MARCHF4: variants seen among roughly 807,000 people sequenced by gnomAD.
MARCHF4 encodes E3 ubiquitin-protein ligase MARCHF4.
In MARCHF4, 14 loss-of-function variants were observed where a neutral mutation model predicts 43.9. The ratio of observed to expected loss-of-function variants is 0.32; its 90% CI spans 0.21 to 0.50. The LOEUF (loss-of-function observed/expected upper bound fraction) is 0.50, where lower values mean the gene tolerates loss of function less well. MARCHF4 is among the 20% of genes least tolerant of loss of function. The probability of loss-of-function intolerance (pLI) is 0.98; values close to 1 mark genes in which losing one functional copy is unlikely to be tolerated. For missense variants in MARCHF4, 468 were observed against 536.7 expected, an observed-to-expected ratio of 0.87 and a Z score of 1.27; for synonymous variants, 226 against 213.3, an observed-to-expected ratio of 1.06 and a Z score of -0.52.
intron 1 of MARCHF4, among the ~76,000 whole-genome samples, chr2:216,308,047 C>A (rs111683294): frequency 6.6e-6 from 1 of 151,990 alleles, no homozygotes; most frequent in African/African-American, 2.4e-5. Flanking sequence ...CAAAGCGAGA[C>A]CCTATCTCAA....
chr2:216,296,260 C>T (rs1044795552), intron 1 of MARCHF4, among the ~76,000 whole-genome samples: 12 of 152,312 alleles, frequency 7.9e-5, no homozygotes, highest in East Asian at 3.9e-4. Context: ...GCAGGAGAAT[C>T]GCTTGCACCC....
At chr2:216,366,054 C>T (rs529290615) in intron 1 of MARCHF4, among the ~76,000 whole-genome samples, 2 of 152,288 alleles carry the variant, frequency 1.3e-5, no homozygotes, top group East Asian at 1.9e-4. Flanking sequence ...CACACCTTTT[C>T]TTTTAAACAA....
intron 1 of MARCHF4, 78 bp downstream of exon 1, chr2:216,369,667 C>G: frequency 1.7e-6 from 2 of 1,210,944 alleles, no homozygotes; most frequent in African/African-American, 1.5e-5. Flanking sequence ...TAACCGTTCC[C>G]CAGGGCAAGC....
At chr2:216,321,245 C>A (rs1481773762) in intron 1 of MARCHF4, among the ~76,000 whole-genome samples, 1 of 152,048 alleles carries the variant, frequency 6.6e-6, no homozygotes, top group Non-Finnish European at 1.5e-5. Flanking sequence ...AAATTAGATA[C>A]CGACTATGTG....
At position 216,372,203 on chromosome 2, in the gene MARCHF4, AGGGGTGGTGCTGGAAGGGAGGTGGCG is replaced by A. The variant is rs1692781296; in HGVS notation, c.-1969_-1944del. 6.6e-6 allele frequency among the ~76,000 whole-genome samples: 1 copy of A among 152,154 alleles called. No individual in the cohort carries two copies. The highest frequency in any genetic ancestry group is 2.4e-5 in the African/African-American group (1 of 41,438). On this transcript the variant is annotated 5_prime_UTR_variant, in exon 1 of 4. Transcript: ENST00000273067. ...CTGCCCCCACTGGCTCGATTCCCAA[AGGGGTGGTGCTGGAAGGGAGGTGGCG>A]GGGCGGCGAGCTGACCGTCCGAGAA...
chr2:216,332,922 G>T (rs56053330), intron 1 of MARCHF4, among the ~76,000 whole-genome samples: 1 of 152,140 alleles, frequency 6.6e-6, no homozygotes, highest in Non-Finnish European at 1.5e-5. Flanking sequence ...GGGAAAGTTA[G>T]TCTTCTTAAT....
chr2:216,303,464 G>GTAA (rs2105951016), intron 1 of MARCHF4: 1 of 152,356 alleles, frequency 6.6e-6, no homozygotes, highest in South Asian at 2.1e-4. Context: ...TTCTGGTTCT[G>GTAA]TAATAGGTCA....
intron 1 of MARCHF4, among the ~76,000 whole-genome samples, chr2:216,339,256 C>A (rs1391701748): frequency 1.3e-5 from 2 of 152,182 alleles, no homozygotes; most frequent in African/African-American, 4.8e-5. Flanking sequence ...ATGAAATATG[C>A]CAAGAAATCC....
At chr2:216,286,532 A>G (rs1037387655) in intron 1 of MARCHF4, among the ~76,000 whole-genome samples, 4 of 151,430 alleles carry the variant, frequency 2.6e-5, no homozygotes, top group East Asian at 2.0e-4. Context: ...AAAAAAAAAA[A>G]AAGAAGAAGA....
chr2:216,328,466 G>A (rs936870766), intron 1 of MARCHF4, among the ~76,000 whole-genome samples: 4 of 152,332 alleles, frequency 2.6e-5, no homozygotes, highest in African/African-American at 7.2e-5. Flanking sequence ...TATGAAATAA[G>A]TTGTTCAAAC....
chr2:216,281,712 A>T (rs2544063), intron 2 of MARCHF4, among the ~76,000 whole-genome samples: 16,054 of 152,220 alleles, frequency 0.11, 1,213 homozygotes, highest in African/African-American at 0.22. Context: ...GTGAGATGGC[A>T]TTTACTGAGC....
At chr2:216,263,517 G>GAGAGAGAGAGAGAGAGAGAA (rs1690785003) in intron 3 of MARCHF4, among the ~76,000 whole-genome samples, 1 of 97,214 alleles carries the variant, frequency 1.0e-5, no homozygotes, top group Non-Finnish European at 2.9e-5. Flanking sequence ...GAGAGAGAGA[G>GAGAGAGAGAGAGAGAGAGAA]AGAGAGAGAG....
intron 1 of MARCHF4, among the ~76,000 whole-genome samples, chr2:216,349,931 C>T (rs962694567): frequency 3.9e-5 from 6 of 152,090 alleles, no homozygotes; most frequent in Non-Finnish European, 7.4e-5. Context: ...GCTTTCCTCC[C>T]AATCTCACTG....
chr2:216,275,125 T>G (rs1690999324), intron 3 of MARCHF4, among the ~76,000 whole-genome samples: 1 of 152,200 alleles, frequency 6.6e-6, no homozygotes, highest in Non-Finnish European at 1.5e-5. Flanking sequence ...AAACTCTCAA[T>G]ATTCAGCCCA....
intron 1 of MARCHF4, among the ~76,000 whole-genome samples, chr2:216,326,031 A>C (rs1292668545): frequency 2.8e-5 from 4 of 140,724 alleles, no homozygotes; most frequent in Non-Finnish European, 4.7e-5. Context: ...GCAACCTACA[A>C]AATGGGAGAA....
intron 3 of MARCHF4, among the ~76,000 whole-genome samples, chr2:216,272,739 T>A (rs1158580781): frequency 6.6e-6 from 1 of 152,370 alleles, no homozygotes; most frequent in East Asian, 1.9e-4. Context: ...CAAAGCAACG[T>A]ACGTTTGGCT....
chr2:216,269,003 A>G (rs1690892299), intron 3 of MARCHF4, among the ~76,000 whole-genome samples: 1 of 152,156 alleles, frequency 6.6e-6, no homozygotes, highest in African/African-American at 2.4e-5. Context: ...ACTGAAAAGA[A>G]CCTCAGGGGA....
intron 1 of MARCHF4, among the ~76,000 whole-genome samples, chr2:216,367,869 A>G (rs1692690628): frequency 6.6e-6 from 1 of 152,148 alleles, no homozygotes. Flanking sequence ...CATGCTCATT[A>G]TATATAAATT....
rs374329534 is a variant in MARCHF4, at chr2:216,327,375, AT to A, written c.516+42369del. 7.4e-3 allele frequency among the ~76,000 whole-genome samples: 1,121 copies of A among 151,608 alleles called. 11 individuals are homozygous for A. Among genetic ancestry groups the A allele is most frequent in the African/African-American group, 0.026 (1,063 of 41,312 alleles). ...CCCCCACCACCAGCATACAGATTCTATTTTTTTCCCCTCATCTTAAGGTCTG... is the reference window on the plus strand; with the variant it reads ...CCCCCACCACCAGCATACAGATTCTATTTTTTCCCCTCATCTTAAGGTCTG... On this transcript the variant is annotated intron_variant, in intron 1 of 3. Coordinates refer to ENST00000273067, the MANE Select transcript of MARCHF4 (RefSeq NM_020814.3).
Sources: gnomAD v4.1 joint callset for allele counts (sites outside exome capture counted in the v4.1 genomes callset) on GRCh38, gnomAD v4.1.1 for gene constraint, MANE v1.5 for transcripts, NCBI Gene and HGNC (gene_info 2026-07-23, HGNC 2026-07-21) for gene names.